The following PHC2 variants were observed in gnomAD, a reference collection of about 807,000 sequenced individuals.
PHC2 encodes polyhomeotic-like protein 2.
In PHC2, 29 loss-of-function variants were observed where a neutral mutation model predicts 87.4. That is an observed-to-expected ratio of 0.33 (90% CI 0.25 to 0.45). PHC2 has a LOEUF of 0.45. PHC2 is among the 20% of genes least tolerant of loss of function. The pLI is 1.00. For missense variants in PHC2, 857 were observed against 1,136.7 expected (o/e 0.75, Z 3.54); for synonymous variants, 438 against 461.7 (o/e 0.95, Z 0.66).
At chr1:33,429,174 C>T (rs542564562) in intron 1 of PHC2, among the ~76,000 whole-genome samples, 3 of 152,316 alleles carry the variant, frequency 2.0e-5, no homozygotes, top group East Asian at 3.9e-4. Context: ...AAAACTACTC[C>T]TATTCAACCT....
chr1:33,330,307 A>G, intron 12 of PHC2, 95 bp from the exon 13 acceptor site: 3 of 1,373,142 alleles, frequency 2.2e-6, no homozygotes. Flanking sequence ...ACAAATTTTG[A>G]GTCCATCTAT....
intron 1 of PHC2, among the ~76,000 whole-genome samples, chr1:33,414,946 C>T (rs767181967): frequency 5.3e-5 from 8 of 152,102 alleles, no homozygotes; most frequent in Non-Finnish European, 1.2e-4. Context: ...CCTTAAGCAA[C>T]TAAAAAAATT....
chr1:33,386,879 G>GTGCACA (rs143534889), intron 1 of PHC2, among the ~76,000 whole-genome samples: 1,641 of 152,286 alleles, frequency 0.011, 11 homozygotes, highest in Admixed American at 0.017. Flanking sequence ...ACATGTGCAT[G>GTGCACA]TGCACATACA....
At chr1:33,352,593 T>G (rs907132870) in intron 9 of PHC2, among the ~76,000 whole-genome samples, 4 of 152,180 alleles carry the variant, frequency 2.6e-5, no homozygotes, top group Admixed American at 2.6e-4. Context: ...AGCAATTATA[T>G]TTTGGTTCAA....
rs765278574 is a variant in PHC2, at chr1:33,409,368, C to A, written c.-55+21608G>T. 3.3e-5 allele frequency among the ~76,000 whole-genome samples: 5 copies of A among 152,042 alleles called. No individual in the cohort carries two copies. In the South Asian group the frequency reaches 6.2e-4, roughly 19 times the overall value. ...AAGGTTCATAGTAAGGTGATAAAAT[C>A]AGTTTAAGAAAGAGTGTGTAACAAG... is the stretch of plus-strand genomic sequence containing the variant. On this transcript the variant is annotated intron_variant, in intron 1 of 14. Coordinates refer to ENST00000683057, the MANE Select transcript of PHC2 (RefSeq NM_001385109.1).
intron 1 of PHC2, among the ~76,000 whole-genome samples, chr1:33,376,928 A>G (rs1648215728): frequency 6.6e-6 from 1 of 152,176 alleles, no homozygotes. Flanking sequence ...AAGGCAATCA[A>G]ATAAACTGAG....
intron 7 of PHC2, chr1:33,363,631 G>A (rs1647267319): frequency 2.7e-6 from 1 of 372,776 alleles, no homozygotes; most frequent in South Asian, 1.1e-4. Flanking sequence ...ACAAAGACCT[G>A]GCATCTGGAG....
chr1:33,400,497 G>A (rs1649479913), intron 1 of PHC2, among the ~76,000 whole-genome samples: 1 of 152,216 alleles, frequency 6.6e-6, no homozygotes, highest in African/African-American at 2.4e-5. Flanking sequence ...TCTAATGCCT[G>A]ACATGAATTA....
At chr1:33,346,248 G>GGGGGGGGGGGGGC in intron 9 of PHC2, 1 of 284,142 alleles carries the variant, frequency 3.5e-6, no homozygotes. Flanking sequence ...GGGAGGGTGG[G>GGGGGGGGGGGGGC]CAGGCTCAGA....
intron 4 of PHC2, 101 bp from the exon 5 acceptor site, chr1:33,370,686 A>G: frequency 8.5e-7 from 1 of 1,177,354 alleles, no homozygotes; most frequent in Non-Finnish European, 1.2e-6. Flanking sequence ...TCCTTGGTTT[A>G]TTCAGCCTCC....
intron 1 of PHC2, among the ~76,000 whole-genome samples, chr1:33,423,726 A>C (rs1443894632): frequency 2.0e-5 from 3 of 152,278 alleles, no homozygotes; most frequent in Non-Finnish European, 4.4e-5. Flanking sequence ...AACTAGGTGT[A>C]ATGCAGTACT....
intron 7 of PHC2, among the ~76,000 whole-genome samples, chr1:33,359,785 G>A (rs1647161544): frequency 6.6e-6 from 1 of 152,202 alleles, no homozygotes; most frequent in Non-Finnish European, 1.5e-5. Context: ...TTAGGAAGAT[G>A]ACAAAAGGAA....
At position 33,372,944 on chromosome 1, in the gene PHC2, G is replaced by A. The variant is rs181441715; in HGVS notation, c.175-497C>T. Among the ~76,000 whole-genome samples the A allele has an allele frequency of 7.5e-4, 114 of 152,324 alleles. 1 individual carries two copies. In the East Asian group the frequency reaches 0.018, roughly 25 times the overall value. On this transcript the variant is annotated intron_variant, in intron 2 of 14. Coordinates refer to ENST00000683057, the MANE Select transcript of PHC2 (RefSeq NM_001385109.1). ...CAGCTTCAGCAACAGCCAGCCACAG[G>A]CAAACTTAGGTGGAGGCAATGCCTC...
At chr1:33,414,176 G>GTCACAC (rs1650104442) in intron 1 of PHC2, among the ~76,000 whole-genome samples, 1 of 65,016 alleles carries the variant, frequency 1.5e-5, no homozygotes, top group South Asian at 5.7e-4. Flanking sequence ...CTCTCTCTCT[G>GTCACAC]TCACACACAC....
At chr1:33,342,537 T>A (rs1332776979) in intron 9 of PHC2, among the ~76,000 whole-genome samples, 1 of 126,650 alleles carries the variant, frequency 7.9e-6, no homozygotes, top group South Asian at 3.0e-4. Context: ...CCCCATGCAG[T>A]TCAGGACAAC....
intron 1 of PHC2, among the ~76,000 whole-genome samples, chr1:33,390,231 T>C (rs1456122015): frequency 6.6e-6 from 1 of 152,206 alleles, no homozygotes; most frequent in Non-Finnish European, 1.5e-5. Flanking sequence ...CTGTGAAAAC[T>C]TTTTACTGGA....
At chr1:33,379,371 GT>G (rs1648368705) in intron 1 of PHC2, among the ~76,000 whole-genome samples, 1 of 42,000 alleles carries the variant, frequency 2.4e-5, no homozygotes, top group African/African-American at 1.0e-4. Context: ...CATCCCCCCT[GT>G]CCCCCCCTTC....
chr1:33,366,172 G>A (rs1647437048), intron 7 of PHC2, among the ~76,000 whole-genome samples: 1 of 152,220 alleles, frequency 6.6e-6, no homozygotes, highest in Non-Finnish European at 1.5e-5. Flanking sequence ...AGATTGGATG[G>A]TAAAATGGTT....
At chr1:33,358,823 C>T (rs780428821) in intron 7 of PHC2, 8 of 152,216 alleles carry the variant, frequency 5.3e-5, no homozygotes, top group Non-Finnish European at 1.2e-4. Flanking sequence ...TAGAGTGCTA[C>T]AAATCAAATT....
Sources: gnomAD v4.1 joint callset for allele counts (sites outside exome capture counted in the v4.1 genomes callset) on GRCh38, gnomAD v4.1.1 for gene constraint, MANE v1.5 for transcripts, NCBI Gene and HGNC (gene_info 2026-07-23, HGNC 2026-07-21) for gene names.